RORA: variants seen among roughly 807,000 people sequenced by gnomAD.
RORA encodes the protein nuclear receptor ROR-alpha.
A neutral mutation model predicts 69.5 loss-of-function variants in RORA; 7 were observed. That is an observed-to-expected ratio of 0.10 (90% CI 0.06 to 0.19). RORA has a LOEUF of 0.19. Among genes scored for constraint, RORA ranks in the 10% least tolerant of loss-of-function variants. The pLI, the probability that RORA is intolerant of heterozygous loss-of-function variation, is 1.00. For synonymous variants in RORA, 261 were observed against 240.8 expected (o/e 1.08, Z -0.78); for missense variants, 457 against 663.0 (o/e 0.69, Z 3.41).
At chr15:60,795,219 G>A (rs2072476926) in intron 1 of RORA, among the ~76,000 whole-genome samples, 1 of 152,164 alleles carries the variant, frequency 6.6e-6, no homozygotes, top group Non-Finnish European at 1.5e-5. Context: ...GACAGCCATA[G>A]AGAGAATTCA....
intron 9 of RORA, among the ~76,000 whole-genome samples, chr15:60,500,700 T>C (rs961301846): frequency 3.3e-4 from 50 of 152,332 alleles, no homozygotes; most frequent in African/African-American, 1.2e-3. Flanking sequence ...AGGTTAATTC[T>C]GGACTGGATT....
chr15:60,855,473 A>C (rs1328880162), intron 1 of RORA, among the ~76,000 whole-genome samples: 1 of 152,192 alleles, frequency 6.6e-6, no homozygotes, highest in Non-Finnish European at 1.5e-5. Context: ...TCATACACTT[A>C]TGAGGGAGGA....
rs149757233 is a variant in RORA, at chr15:60,881,705, G to T, written c.167-203019C>A. Reference sequence around the variant, plus strand: ...GGGTGACTTTTTCTGAACAATGGTTGCATTAAAAAGTGTCCTTGAAGCAGA... The same window carrying T: ...GGGTGACTTTTTCTGAACAATGGTTTCATTAAAAAGTGTCCTTGAAGCAGA... On this transcript the variant is annotated intron_variant, in intron 1 of 10. Transcript: ENST00000335670. Among the ~76,000 whole-genome samples the T allele has an allele frequency of 1.9e-4, 29 of 152,280 alleles. 1 individual carries two copies. In the East Asian group the frequency reaches 5.6e-3, roughly 29 times the overall value.
chr15:61,006,667 C>A (rs906188904), intron 1 of RORA, among the ~76,000 whole-genome samples: 18 of 152,160 alleles, frequency 1.2e-4, no homozygotes, highest in African/African-American at 4.1e-4. Context: ...ATTCTCCAGA[C>A]TCCCCATCAG....
At chr15:61,082,579 C>T (rs141258568) in intron 1 of RORA, among the ~76,000 whole-genome samples, 118 of 152,228 alleles carry the variant, frequency 7.8e-4, no homozygotes, top group African/African-American at 2.6e-3. Context: ...ATTTTGTAAA[C>T]GTGGGTTCTG....
rs1227674123 is a variant in RORA at position 60,905,071 on chromosome 15, C to T, written c.167-226385G>A. ...GAGGGCTTGAGGCTCTGGGGGCGCTCGTCTTTAATGTTAATGAGACTCATT... is the reference window on the plus strand; with the variant it reads ...GAGGGCTTGAGGCTCTGGGGGCGCTTGTCTTTAATGTTAATGAGACTCATT... On this transcript the variant is annotated intron_variant, in intron 1 of 10. Transcript: ENST00000335670. The surrounding 1 kb of genome is among the most constrained non-coding windows in gnomAD (Gnocchi z 4.8). Among the ~76,000 whole-genome samples, 1 of 152,040 alleles carries T rather than the reference C, an allele frequency of 6.6e-6. No individual in the cohort carries two copies. Among genetic ancestry groups the T allele is most frequent in the Non-Finnish European group, 1.5e-5 (1 of 68,006 alleles).
chr15:60,848,643 C>T (rs2073292504), intron 1 of RORA: 1 of 153,688 alleles, frequency 6.5e-6, no homozygotes, highest in Admixed American at 6.5e-5. Flanking sequence ...ACAGGCTGTA[C>T]ATGAAGCATG....
At chr15:60,949,235 C>T (rs765261171) in intron 1 of RORA, among the ~76,000 whole-genome samples, 9 of 152,110 alleles carry the variant, frequency 5.9e-5, no homozygotes, top group Non-Finnish European at 1.2e-4. Flanking sequence ...CTGAACCCCA[C>T]GTGATTCCCA....
chr15:60,589,125 A>C (rs1432580858), intron 2 of RORA, among the ~76,000 whole-genome samples: 1 of 152,214 alleles, frequency 6.6e-6, no homozygotes, highest in Non-Finnish European at 1.5e-5. Flanking sequence ...AAGTAACAAA[A>C]ATGGTACAAA....
intron 2 of RORA, among the ~76,000 whole-genome samples, chr15:60,582,176 ACTTG>A (rs1452927400): frequency 6.6e-6 from 1 of 152,170 alleles, no homozygotes; most frequent in Non-Finnish European, 1.5e-5. Flanking sequence ...ATTAATGAAA[ACTTG>A]CTTGTTCTTA....
chr15:60,945,172 C>T (rs1013138539), intron 1 of RORA, among the ~76,000 whole-genome samples: 1 of 152,200 alleles, frequency 6.6e-6, no homozygotes, highest in African/African-American at 2.4e-5. Flanking sequence ...TTTCCCTCCC[C>T]ACCCTCTCTC....
chr15:61,199,729 G>A (rs921108586), intron 1 of RORA, among the ~76,000 whole-genome samples: 8 of 152,172 alleles, frequency 5.3e-5, no homozygotes, highest in African/African-American at 1.9e-4. Flanking sequence ...GTTATGGGAA[G>A]GGGGGGAAAT....
At chr15:61,186,640 C>CAAAAAA (rs58380679) in intron 1 of RORA, among the ~76,000 whole-genome samples, 1 of 67,590 alleles carries the variant, frequency 1.5e-5, no homozygotes, top group Non-Finnish European at 2.7e-5. Context: ...GACCCTGACT[C>CAAAAAA]AAAAAAAAAA....
intron 2 of RORA, among the ~76,000 whole-genome samples, chr15:60,611,366 G>C (rs549573005): frequency 6.6e-6 from 1 of 151,812 alleles, no homozygotes; most frequent in Non-Finnish European, 1.5e-5. Context: ...CCCAGAATAG[G>C]ACATGAGTAG....
chr15:61,108,481 C>T (rs914132006), intron 1 of RORA, among the ~76,000 whole-genome samples: 2 of 152,196 alleles, frequency 1.3e-5, no homozygotes, highest in African/African-American at 4.8e-5. Context: ...ACAGCTATAC[C>T]GATTTGTTGA....
At chr15:60,598,992 T>A (rs112200004) in intron 2 of RORA, among the ~76,000 whole-genome samples, 7 of 152,190 alleles carry the variant, frequency 4.6e-5, no homozygotes, top group Admixed American at 6.5e-5. Flanking sequence ...CAGTCTATCC[T>A]CCAAGGAGCT....
chr15:60,710,094 C>G (rs188004215), intron 1 of RORA, among the ~76,000 whole-genome samples: 2 of 152,066 alleles, frequency 1.3e-5, no homozygotes, highest in African/African-American at 4.8e-5. Flanking sequence ...GCTGGAGGCC[C>G]GATAGGAGAG....
intron 1 of RORA, among the ~76,000 whole-genome samples, chr15:60,984,686 G>A (rs1308389712): frequency 6.6e-6 from 1 of 152,066 alleles, no homozygotes; most frequent in Non-Finnish European, 1.5e-5. Flanking sequence ...TACAGAAATT[G>A]AGAGTAGTGT....
At chr15:61,137,023 G>T (rs868505022) in intron 1 of RORA, among the ~76,000 whole-genome samples, 1 of 30,650 alleles carries the variant, frequency 3.3e-5, no homozygotes, top group South Asian at 1.2e-3. Context: ...AAATAAAAAA[G>T]AAAGAAAGAA....
Sources: allele counts gnomAD v4.1 joint callset (sites outside exome capture counted in the v4.1 genomes callset), GRCh38; gene constraint gnomAD v4.1.1; non-coding constraint Gnocchi (gnomAD v3.1); transcripts MANE v1.5; gene names NCBI Gene and HGNC (gene_info 2026-07-23, HGNC 2026-07-21).